The following R3HCC1L variants were observed in gnomAD, a reference collection of about 807,000 sequenced individuals.
R3HCC1L encodes the protein coiled-coil domain-containing protein R3HCC1L.
A neutral mutation model predicts 59.9 loss-of-function variants in R3HCC1L; 51 were observed. That is an observed-to-expected ratio of 0.85 (90% confidence interval 0.68 to 1.07). The LOEUF is 1.07. R3HCC1L is among the 50% of genes least tolerant of loss of function. The pLI is 0.00. For synonymous variants in R3HCC1L, 322 were observed against 315.2 expected, an observed-to-expected ratio of 1.02 and a Z score of -0.23; for missense variants, 965 against 933.0, an observed-to-expected ratio of 1.03 and a Z score of -0.45.
intron 6 of R3HCC1L, among the ~76,000 whole-genome samples, chr10:98,233,091 A>G (rs1856564918): frequency 6.6e-6 from 1 of 152,204 alleles, no homozygotes; most frequent in African/African-American, 2.4e-5. Flanking sequence ...CATAAAATTC[A>G]TAATAGATTT....
chr10:98,173,107 CTCTT>C (rs1236805148), intron 4 of R3HCC1L, among the ~76,000 whole-genome samples: 1 of 152,118 alleles, frequency 6.6e-6, no homozygotes, highest in Non-Finnish European at 1.5e-5. Context: ...TCTTTCTTCT[CTCTT>C]TGGTGGTGCT....
At chr10:98,229,066 G>A (rs1564730301) in intron 5 of R3HCC1L, among the ~76,000 whole-genome samples, 2 of 152,122 alleles carry the variant, frequency 1.3e-5, no homozygotes, top group East Asian at 3.9e-4. Flanking sequence ...TGGCAATGCA[G>A]GCTCTTTTTT....
intron 5 of R3HCC1L, among the ~76,000 whole-genome samples, chr10:98,230,615 C>A (rs1408266878): frequency 1.3e-5 from 2 of 152,116 alleles, no homozygotes; most frequent in Non-Finnish European, 2.9e-5. Flanking sequence ...TTGCCTTCTG[C>A]TAGCTTTTGA....
At chr10:98,153,631 A>AT (rs2134057600) in intron 1 of R3HCC1L, among the ~76,000 whole-genome samples, 1 of 147,250 alleles carries the variant, frequency 6.8e-6, no homozygotes, top group South Asian at 2.1e-4. Flanking sequence ...AAAAAAAAAA[A>AT]GAAGTTTAGA....
intron 9 of R3HCC1L, among the ~76,000 whole-genome samples, chr10:98,240,275 C>T (rs1857391573): frequency 6.6e-6 from 1 of 152,154 alleles, no homozygotes; most frequent in Admixed American, 6.5e-5. Context: ...CACCATACTC[C>T]AGCCTGGGCA....
chr10:98,209,767 A>G lies in R3HCC1L; in HGVS notation c.1653A>G (p.Ser551=), dbSNP rs765186392. ...FGVSFPDRES[S]SMETSIEPKA... ...TATCTTTTCCTGATAGGGAATCATCATCTATGGAAACATCCATCGAACCAA... is the reference window on the plus strand; with the variant it reads ...TATCTTTTCCTGATAGGGAATCATCGTCTATGGAAACATCCATCGAACCAA... The change falls in exon 5 of 10, where the codon TCA becomes TCG. Residue 551 remains serine (S), a synonymous_variant. Coordinates refer to ENST00000298999, the MANE Select transcript of R3HCC1L (RefSeq NM_001351015.2). 1.4e-5 allele frequency: 23 copies of G among 1,613,790 alleles called. No homozygotes were observed. In the Admixed American group the frequency reaches 2.2e-4, roughly 15 times the overall value.
rs201056289 is a variant in R3HCC1L at position 98,166,269 on chromosome 10, A to AAG, written c.-15+2875_-15+2876dup. Among the ~76,000 whole-genome samples the AAG allele has an allele frequency of 7.4e-3, 1,122 of 152,340 alleles. 21 individuals carry two copies. The highest frequency in any genetic ancestry group is 0.025 in the African/African-American group (1,053 of 41,584). ...GGGAAATCAACCTACTGCAACCTGG[A>AAG]AGAGGGCCTGCTCCGGAACCAGGCC... On this transcript the variant is annotated intron_variant, in intron 4 of 9. Transcript: ENST00000298999.
At chr10:98,140,829 C>T (rs191426669) in intron 1 of R3HCC1L, among the ~76,000 whole-genome samples, 2 of 151,292 alleles carry the variant, frequency 1.3e-5, no homozygotes, top group East Asian at 1.9e-4. Flanking sequence ...TAACTACTTA[C>T]GTGACCTCTC....
intron 4 of R3HCC1L, among the ~76,000 whole-genome samples, chr10:98,201,089 C>G (rs1354473829): frequency 6.6e-6 from 1 of 152,156 alleles, no homozygotes; most frequent in Non-Finnish European, 1.5e-5. Context: ...TTTGTCCTGA[C>G]ATTGAATGTT....
In R3HCC1L at chr10:98,234,512, TA is replaced by T; in HGVS notation, c.2029del (p.Thr677GlnfsTer13). On this transcript the variant is annotated frameshift_variant, in exon 7 of 10. Transcript: ENST00000298999. LOFTEE classifies it high-confidence loss of function. Reference protein sequence around the residue: ...HALGVFSSPITARDALGIKHT... With the variant: ...HALGVFSSPIXARDALGIKHT... ...CCCTAGGAGTATTCTCCAGTCCAAT[TA>T]CAGGTATTCACCCAGTGGCTTTCAA... is the stretch of plus-strand genomic sequence containing the variant. 6.2e-7 allele frequency: 1 copy of T among 1,611,398 alleles called. No individual in the cohort carries two copies. Among genetic ancestry groups the T allele is most frequent in the Non-Finnish European group, 8.5e-7 (1 of 1,177,886 alleles).
chr10:98,157,862 A>G (rs1228916918), intron 2 of R3HCC1L, among the ~76,000 whole-genome samples: 1 of 152,248 alleles, frequency 6.6e-6, no homozygotes, highest in Non-Finnish European at 1.5e-5. Flanking sequence ...ATAATATTAC[A>G]ATAGTATTAC....
chr10:98,174,308 G>T (rs1590550725), intron 4 of R3HCC1L: 1 of 200,004 alleles, frequency 5.0e-6, no homozygotes, highest in Non-Finnish European at 8.9e-6. Context: ...ACAAATTCTA[G>T]TGCCCGTTGC....
intron 2 of R3HCC1L, among the ~76,000 whole-genome samples, chr10:98,161,931 G>A (rs546411124): frequency 6.6e-6 from 1 of 152,208 alleles, no homozygotes; most frequent in South Asian, 2.1e-4. Flanking sequence ...TTTTATTGGG[G>A]TTATGTTAAA....
chr10:98,207,056 T>C (rs1852759679), intron 4 of R3HCC1L, among the ~76,000 whole-genome samples: 1 of 152,206 alleles, frequency 6.6e-6, no homozygotes, highest in Non-Finnish European at 1.5e-5. Context: ...ATTTTAGGGA[T>C]CTGGAATAGA....
At chr10:98,167,874 C>T (rs1848110717) in intron 4 of R3HCC1L, among the ~76,000 whole-genome samples, 2 of 152,184 alleles carry the variant, frequency 1.3e-5, no homozygotes, top group South Asian at 4.1e-4. Context: ...AGTCTGGTGG[C>T]TTCTACTTTC....
chr10:98,153,433 C>T (rs1004683792), intron 1 of R3HCC1L, among the ~76,000 whole-genome samples: 7 of 152,004 alleles, frequency 4.6e-5, no homozygotes, highest in South Asian at 2.1e-4. Flanking sequence ...AAAGAGTCAT[C>T]ACCACTCCCT....
At chr10:98,235,975 T>G (rs1340730903) in intron 8 of R3HCC1L, 49 bp from the exon 9 acceptor site, 35 of 1,556,002 alleles carry the variant, frequency 2.2e-5, no homozygotes, top group Non-Finnish European at 3.0e-5. Flanking sequence ...GAAGCTAGAG[T>G]GCTCTCTCTT....
chr10:98,167,424 A>T (rs1848062895), intron 4 of R3HCC1L, among the ~76,000 whole-genome samples: 2 of 152,232 alleles, frequency 1.3e-5, no homozygotes, highest in African/African-American at 4.8e-5. Flanking sequence ...GGGAGGTGAT[A>T]GATACGGAGC....
intron 9 of R3HCC1L, among the ~76,000 whole-genome samples, chr10:98,239,012 A>G (rs937574358): frequency 3.9e-5 from 6 of 152,204 alleles, no homozygotes; most frequent in African/African-American, 1.4e-4. Context: ...CTGGGCTCTA[A>G]TAGAGCTTTT....
Sources: allele counts gnomAD v4.1 joint callset (sites outside exome capture counted in the v4.1 genomes callset), GRCh38; gene constraint gnomAD v4.1.1; transcripts MANE v1.5; gene names NCBI Gene and HGNC (gene_info 2026-07-23, HGNC 2026-07-21).